The following PTPRD variants were observed in gnomAD, a reference collection of about 807,000 sequenced individuals.
The protein encoded by PTPRD is protein tyrosine phosphatase receptor type D, also known as receptor-type tyrosine-protein phosphatase delta.
In PTPRD, 34 loss-of-function variants were observed where a neutral mutation model predicts 214.5. The observed-to-expected ratio is 0.16, with a 90% CI of 0.12 to 0.21. The LOEUF (loss-of-function observed/expected upper bound fraction) is 0.21, where lower values mean the gene tolerates loss of function less well. Ranked by LOEUF, PTPRD falls within the 10% of genes least tolerant of loss-of-function variation. The pLI is 1.00. For synonymous variants in PTPRD, 1,128 were observed against 845.7 expected (o/e 1.33, Z -5.79); for missense variants, 2,545 against 2,398.7 (o/e 1.06, Z -1.27).
At chr9:8,547,809 C>G (rs1490452539) in intron 14 of PTPRD, among the ~76,000 whole-genome samples, 3 of 152,098 alleles carry the variant, frequency 2.0e-5, no homozygotes, top group Non-Finnish European at 2.9e-5. Context: ...TATGTTTGTA[C>G]AAAGCACATG....
At chr9:10,611,555 T>C (rs540859034) in intron 2 of PTPRD, among the ~76,000 whole-genome samples, 1 of 152,274 alleles carries the variant, frequency 6.6e-6, no homozygotes, top group Admixed American at 6.5e-5. Flanking sequence ...GTCCTACTTC[T>C]GTAAAAAGAA....
chr9:8,929,228 T>G (rs1588205851), intron 11 of PTPRD, among the ~76,000 whole-genome samples: 1 of 152,064 alleles, frequency 6.6e-6, no homozygotes, highest in African/African-American at 2.4e-5. Flanking sequence ...ACACTATGTT[T>G]AATAGAAGTA....
intron 14 of PTPRD, among the ~76,000 whole-genome samples, chr9:8,549,994 G>C (rs2081522469): frequency 6.6e-6 from 1 of 152,092 alleles, no homozygotes; most frequent in Non-Finnish European, 1.5e-5. Flanking sequence ...GCAACATTAA[G>C]ACAAACATCA....
intron 21 of PTPRD, among the ~76,000 whole-genome samples, chr9:8,508,360 C>G: frequency 6.6e-6 from 1 of 152,224 alleles, no homozygotes; most frequent in East Asian, 1.9e-4. Flanking sequence ...CAGTTCCCCT[C>G]TATCCATTAT....
chr9:9,896,399 C>G (rs544744307), intron 5 of PTPRD, among the ~76,000 whole-genome samples: 2 of 151,938 alleles, frequency 1.3e-5, no homozygotes, highest in Non-Finnish European at 2.9e-5. Context: ...TACATCTTCA[C>G]TAGTGCAAGG....
intron 3 of PTPRD, among the ~76,000 whole-genome samples, chr9:10,191,761 T>G (rs1185282313): frequency 6.6e-6 from 1 of 152,194 alleles, no homozygotes; most frequent in Non-Finnish European, 1.5e-5. Context: ...TCTCATAGTA[T>G]TTTTTAAATG....
In PTPRD at chr9:9,679,254, C is replaced by G. The variant is rs1012347194; in HGVS notation, c.-287+55279G>C. On this transcript the variant is annotated intron_variant, in intron 7 of 45. Coordinates refer to ENST00000381196, the MANE Select transcript of PTPRD (RefSeq NM_002839.4). Reference sequence around the variant, plus strand: ...TCTCTTTCTCTCTCCCTCCTTCCCCCACTCCCTTCACACACAAGCGCTTTG... The same window carrying G: ...TCTCTTTCTCTCTCCCTCCTTCCCCGACTCCCTTCACACACAAGCGCTTTG... Among the ~76,000 whole-genome samples, 3 of 151,534 alleles carry G rather than the reference C, an allele frequency of 2.0e-5. No homozygotes were observed. In the Admixed American group the frequency reaches 2.0e-4, roughly 10 times the overall value.
intron 26 of PTPRD, among the ~76,000 whole-genome samples, chr9:8,496,545 A>T (rs1158329198): frequency 2.0e-5 from 3 of 152,210 alleles, no homozygotes; most frequent in East Asian, 3.9e-4. Flanking sequence ...AAATATTTTA[A>T]AAACATTCCT....
chr9:10,114,193 C>T (rs112633146), intron 3 of PTPRD, among the ~76,000 whole-genome samples: 1,742 of 152,216 alleles, frequency 0.011, 29 homozygotes, highest in Non-Finnish European at 0.014. Context: ...GGTTTTATCA[C>T]CCACAACCTG....
At chr9:9,810,926 G>T (rs116310841) in intron 5 of PTPRD, among the ~76,000 whole-genome samples, 2,597 of 151,766 alleles carry the variant, frequency 0.017, 64 homozygotes, top group African/African-American at 0.06. Context: ...ATGGGAGGAA[G>T]TCAAAATAGC....
At chr9:8,534,748 A>C (rs1274211766) in intron 14 of PTPRD, among the ~76,000 whole-genome samples, 1 of 151,854 alleles carries the variant, frequency 6.6e-6, no homozygotes, top group Non-Finnish European at 1.5e-5. Context: ...AAGTCAGTGG[A>C]TTTTTATACT....
rs924936027 is a variant in PTPRD, at chr9:9,693,686, T to G, written c.-287+40847A>C. Among the ~76,000 whole-genome samples the G allele has an allele frequency of 2.6e-5, 4 of 152,220 alleles. No homozygotes were observed. In the East Asian group the frequency reaches 7.7e-4, roughly 29 times the overall value. On this transcript the variant is annotated intron_variant, in intron 7 of 45. Transcript: ENST00000381196. ...TCCCTTCGAATAAACTTTCTACTTCTATGTCTTTCTCTACCTCCTCTTTAA... is the reference window on the plus strand; with the variant it reads ...TCCCTTCGAATAAACTTTCTACTTCGATGTCTTTCTCTACCTCCTCTTTAA...
chr9:10,584,694 T>C (rs866388679), intron 2 of PTPRD, among the ~76,000 whole-genome samples: 1 of 152,134 alleles, frequency 6.6e-6, no homozygotes, highest in African/African-American at 2.4e-5. Context: ...CATATATCAG[T>C]AGAAATAAGT....
At chr9:8,971,722 T>C (rs970256343) in intron 11 of PTPRD, among the ~76,000 whole-genome samples, 1 of 151,282 alleles carries the variant, frequency 6.6e-6, no homozygotes, top group Non-Finnish European at 1.5e-5. Context: ...AATAATTAAA[T>C]ATTTATTGAA....
At chr9:8,659,268 A>G (rs556948629) in intron 12 of PTPRD, among the ~76,000 whole-genome samples, 1 of 152,334 alleles carries the variant, frequency 6.6e-6, no homozygotes, top group Admixed American at 6.5e-5. Flanking sequence ...TTTGGCTGCA[A>G]GAATCTCAGG....
intron 3 of PTPRD, among the ~76,000 whole-genome samples, chr9:10,197,166 A>G (rs1375135536): frequency 1.3e-5 from 2 of 151,936 alleles, no homozygotes; most frequent in Admixed American, 1.3e-4. Context: ...AAAGACTGCC[A>G]CTCTGCACCC....
intron 3 of PTPRD, among the ~76,000 whole-genome samples, chr9:10,212,686 C>T (rs1445327932): frequency 1.3e-5 from 2 of 152,058 alleles, no homozygotes; most frequent in African/African-American, 2.4e-5. Flanking sequence ...CCCCATAAAC[C>T]AGGTCACCAT....
At chr9:9,936,535 A>G (rs1455294930) in intron 5 of PTPRD, among the ~76,000 whole-genome samples, 1 of 145,560 alleles carries the variant, frequency 6.9e-6, no homozygotes, top group Non-Finnish European at 1.5e-5. Flanking sequence ...ATACAATCTC[A>G]CACCAGTTAG....
intron 10 of PTPRD, among the ~76,000 whole-genome samples, chr9:9,152,610 TA>T (rs2099877760): frequency 6.6e-6 from 1 of 152,204 alleles, no homozygotes; most frequent in South Asian, 2.1e-4. Context: ...GGTAGGGCTA[TA>T]AATGGTGCCA....
Sources: gnomAD v4.1 joint callset for allele counts (sites outside exome capture counted in the v4.1 genomes callset) on GRCh38, gnomAD v4.1.1 for gene constraint, MANE v1.5 for transcripts, NCBI Gene and HGNC (gene_info 2026-07-23, HGNC 2026-07-21) for gene names.